Variants in KDM2A observed in about 807,000 individuals in gnomAD.
KDM2A encodes the protein lysine demethylase 2A.
Under a neutral mutation model 137.3 loss-of-function variants are expected in KDM2A, and 3 were observed. The observed-to-expected ratio is 0.02, with a 90% CI of 0.01 to 0.06. The LOEUF is 0.06. Ranked by LOEUF, KDM2A falls within the 10% of genes least tolerant of loss-of-function variation. The pLI is 1.00. For synonymous variants in KDM2A, 512 were observed against 541.5 expected (o/e 0.95, Z 0.76); for missense variants, 738 against 1,510.6 (o/e 0.49, Z 8.48).
intron 2 of KDM2A, among the ~76,000 whole-genome samples, chr11:67,162,151 C>T (rs894478819): frequency 6.6e-6 from 1 of 152,030 alleles, no homozygotes; most frequent in African/African-American, 2.4e-5. Context: ...TTTATTAAAT[C>T]ATTTTGGTTT....
intron 7 of KDM2A, 100 bp from the exon 8 acceptor site, chr11:67,215,756 G>C (rs767389721): frequency 2.2e-5 from 18 of 809,678 alleles, no homozygotes; most frequent in Non-Finnish European, 3.8e-5. Flanking sequence ...AGATTAAGTG[G>C]AAGATAAAGG....
chr11:67,130,929 C>T (rs912892042), intron 2 of KDM2A, among the ~76,000 whole-genome samples: 1 of 151,194 alleles, frequency 6.6e-6, no homozygotes, highest in African/African-American at 2.4e-5. Flanking sequence ...CCCAAGATCA[C>T]AGAGTCGGTA....
In KDM2A at chr11:67,254,137, C is replaced by T. The variant is rs1859526135; in HGVS notation, c.3092-66C>T. The T allele has an allele frequency of 2.1e-6, 3 of 1,454,336 alleles. No individual in the cohort carries two copies. The South Asian group carries it at 3.8e-5, about 19-fold the overall frequency. 90.1% of individuals were successfully genotyped at this position (1,454,336 alleles called of 1,614,324 possible). ...CTGGCCAGCAAGTAGCTGTTGCTGC[C>T]TGGAGCCTTGAAGCTGGATTAGAGA... On this transcript the variant is annotated intron_variant, in intron 19 of 20. Transcript: ENST00000529006. The surrounding 1 kb of genome is among the most constrained non-coding windows in gnomAD (Gnocchi z 4.7).
At chr11:67,132,969 C>T (rs1368986534) in intron 2 of KDM2A, among the ~76,000 whole-genome samples, 1 of 152,108 alleles carries the variant, frequency 6.6e-6, no homozygotes, top group Non-Finnish European at 1.5e-5. Context: ...GACACATTGG[C>T]AGTGAAGGAC....
intron 2 of KDM2A, among the ~76,000 whole-genome samples, chr11:67,170,299 C>T (rs183240485): frequency 6.6e-6 from 1 of 150,736 alleles, no homozygotes. Flanking sequence ...AATAATATAG[C>T]TAGAAATGTA....
chr11:67,124,415 G>T (rs888007310), intron 2 of KDM2A, among the ~76,000 whole-genome samples: 4 of 151,970 alleles, frequency 2.6e-5, no homozygotes, highest in Admixed American at 2.0e-4. Flanking sequence ...AGGTTCAAAT[G>T]ATTCTCCTGC....
chr11:67,247,069 A>ATTTTTTTTTT (rs1859261641), intron 15 of KDM2A, among the ~76,000 whole-genome samples: 3 of 21,066 alleles, frequency 1.4e-4, no homozygotes, highest in Admixed American at 1.6e-3. Context: ...ATATATATAT[A>ATTTTTTTTTT]TATTTTTTTT....
intron 2 of KDM2A, among the ~76,000 whole-genome samples, chr11:67,175,116 A>G (rs1856950122): frequency 6.6e-6 from 1 of 152,216 alleles, no homozygotes. Context: ...AGTTTCACCT[A>G]TAGCAGAGAT....
chr11:67,248,176 TG>T, intron 15 of KDM2A, 104 bp from the exon 16 acceptor site: 1 of 827,310 alleles, frequency 1.2e-6, no homozygotes, highest in Non-Finnish European at 2.0e-6. Context: ...TCTCCCTTTA[TG>T]GACCAATGTT....
rs529088609 is a variant in KDM2A, at chr11:67,220,460, T to C, written c.957+1057T>C. 2.0e-5 allele frequency among the ~76,000 whole-genome samples: 3 copies of C among 152,202 alleles called. No individual in the cohort carries two copies. In the South Asian group the frequency reaches 6.2e-4, roughly 32 times the overall value. ...TAAATTCATGTATCTTTTTCTACAC[T>C]GATGACTATACTCAAAGCATCTTAC... is the stretch of plus-strand genomic sequence containing the variant. On this transcript the variant is annotated intron_variant, in intron 10 of 20. Transcript: ENST00000529006.
intron 5 of KDM2A, among the ~76,000 whole-genome samples, chr11:67,187,676 C>T (rs561574887): frequency 2.0e-5 from 3 of 152,084 alleles, no homozygotes; most frequent in Admixed American, 6.5e-5. Context: ...CTGGTTCAAG[C>T]GATTCTCCTG....
At chr11:67,132,232 G>T (rs1357500368) in intron 2 of KDM2A, among the ~76,000 whole-genome samples, 1 of 152,156 alleles carries the variant, frequency 6.6e-6, no homozygotes, top group Non-Finnish European at 1.5e-5. Context: ...ACGTTGGGTA[G>T]AAATTTTAAA....
At chr11:67,225,656 G>A (rs1316246902) in intron 10 of KDM2A, among the ~76,000 whole-genome samples, 1 of 152,234 alleles carries the variant, frequency 6.6e-6, no homozygotes, top group Non-Finnish European at 1.5e-5. Context: ...TGTAATCCCA[G>A]CTACTCGGGA....
chr11:67,207,622 C>G lies in KDM2A; in HGVS notation c.420C>G (p.Leu140=). ...YETPEEEREK[L]YNVISLEFSH... is the part of the protein sequence containing the mutation. ...CCCCAGAGGAGGAGCGAGAGAAACT[C>G]TATAATGTCATCAGCCTCGAGTTTA... is the stretch of plus-strand genomic sequence containing the variant. The change falls in exon 6 of 21, where the codon CTC becomes CTG. Residue 140 remains leucine, a synonymous_variant. Transcript: ENST00000529006. The G allele has an allele frequency of 6.2e-7, 1 of 1,613,720 alleles. No individual in the cohort carries two copies. The highest frequency in any genetic ancestry group is 8.5e-7 in the Non-Finnish European group (1 of 1,179,784).
At chr11:67,246,454 A>C (rs909204450) in intron 15 of KDM2A, among the ~76,000 whole-genome samples, 1 of 152,138 alleles carries the variant, frequency 6.6e-6, no homozygotes, top group Non-Finnish European at 1.5e-5. Context: ...GGCATCTCTG[A>C]TACATACTTC....
intron 2 of KDM2A, among the ~76,000 whole-genome samples, chr11:67,178,889 A>G (rs1310216706): frequency 1.3e-5 from 2 of 152,152 alleles, no homozygotes; most frequent in Non-Finnish European, 2.9e-5. Flanking sequence ...AGAAGAACGT[A>G]TGTTTTCAGT....
intron 17 of KDM2A, among the ~76,000 whole-genome samples, chr11:67,251,803 ATTC>A (rs1177969230): frequency 6.6e-6 from 1 of 152,210 alleles, no homozygotes; most frequent in African/African-American, 2.4e-5. Flanking sequence ...AATAGACCCT[ATTC>A]TTTGCAAACA....
intron 5 of KDM2A, among the ~76,000 whole-genome samples, chr11:67,186,212 C>A (rs948973124): frequency 6.6e-6 from 1 of 152,058 alleles, no homozygotes; most frequent in Admixed American, 6.6e-5. Flanking sequence ...ATCAAACTTT[C>A]AAAAGCCAAA....
chr11:67,179,951 C>T, intron 2 of KDM2A, 128 bp from the exon 3 acceptor site: 1 of 855,580 alleles, frequency 1.2e-6, no homozygotes, highest in Admixed American at 3.1e-5. Flanking sequence ...AAGAAAAGAT[C>T]CATAAGGCAA....
Sources: allele counts gnomAD v4.1 joint callset (sites outside exome capture counted in the v4.1 genomes callset), GRCh38; gene constraint gnomAD v4.1.1; non-coding constraint Gnocchi (gnomAD v3.1); transcripts MANE v1.5; gene names NCBI Gene and HGNC (gene_info 2026-07-23, HGNC 2026-07-21).